Variants in FBXW8 observed in about 807,000 individuals in gnomAD.
FBXW8 encodes F-box/WD repeat-containing protein 8.
A neutral mutation model predicts 65.3 loss-of-function variants in FBXW8; 57 were observed. The ratio of observed to expected loss-of-function variants is 0.87; its 90% CI spans 0.71 to 1.09. FBXW8 has a LOEUF of 1.09. Ranked by LOEUF, FBXW8 falls within the 50% of genes least tolerant of loss-of-function variation. The pLI is 0.00. For synonymous variants in FBXW8, 308 were observed against 330.2 expected, an observed-to-expected ratio of 0.93 and a Z score of 0.73; for missense variants, 777 against 814.8, an observed-to-expected ratio of 0.95 and a Z score of 0.57.
rs555565918 is a variant in FBXW8, at chr12:116,937,177, G to A, written c.424-8187G>A. Among the ~76,000 whole-genome samples the A allele has an allele frequency of 1.4e-4, 21 of 152,250 alleles. 1 individual carries two copies. The South Asian group carries it at 3.9e-3, about 29-fold the overall frequency. On this transcript the variant is annotated intron_variant, in intron 2 of 10. Coordinates refer to ENST00000652555, the MANE Select transcript of FBXW8 (RefSeq NM_153348.3). ...TGGAGGAATGAGTTCACTGTTTACC[G>A]ACAAGTAGCAGACCATGGAAGGAGC...
At chr12:116,993,997 G>T (rs996016897) in intron 7 of FBXW8, among the ~76,000 whole-genome samples, 3 of 152,118 alleles carry the variant, frequency 2.0e-5, no homozygotes, top group Non-Finnish European at 4.4e-5. Context: ...CCCGTCCTCA[G>T]TGTATCTTTA....
intron 9 of FBXW8, among the ~76,000 whole-genome samples, chr12:117,025,671 G>GT (rs1471769804): frequency 6.6e-6 from 1 of 152,212 alleles, no homozygotes; most frequent in African/African-American, 2.4e-5. Context: ...GGCTGTGCCT[G>GT]TTGAGGGCGC....
intron 1 of FBXW8, among the ~76,000 whole-genome samples, chr12:116,923,120 C>T (rs1299846202): frequency 2.0e-5 from 3 of 152,080 alleles, no homozygotes; most frequent in Admixed American, 6.5e-5. Context: ...GCATGAGAAT[C>T]GCTTGAACCT....
intron 4 of FBXW8, among the ~76,000 whole-genome samples, chr12:116,955,197 G>T (rs1012206664): frequency 2.6e-5 from 4 of 152,138 alleles, no homozygotes; most frequent in African/African-American, 9.7e-5. Context: ...GCCTTCTCTG[G>T]CCCTCGTTCT....
intron 8 of FBXW8, among the ~76,000 whole-genome samples, chr12:117,015,795 T>G (rs1268250336): frequency 6.6e-6 from 1 of 152,128 alleles, no homozygotes; most frequent in East Asian, 1.9e-4. Flanking sequence ...TTTTAGAACA[T>G]TTTCACCCCA....
chr12:116,922,463 A>T (rs1426665937), intron 1 of FBXW8, among the ~76,000 whole-genome samples: 1 of 152,182 alleles, frequency 6.6e-6, no homozygotes, highest in Non-Finnish European at 1.5e-5. Flanking sequence ...TTAAACCACC[A>T]CCCAGAGAGA....
intron 1 of FBXW8, among the ~76,000 whole-genome samples, chr12:116,911,890 GGAA>G (rs1365885463): frequency 6.6e-6 from 1 of 152,144 alleles, no homozygotes; most frequent in Non-Finnish European, 1.5e-5. Context: ...CAGAAAAAAA[GGAA>G]GAAGAGGAGG....
chr12:116,964,877 C>T lies in FBXW8; in HGVS notation c.835+23C>T, dbSNP rs781205227. On this transcript the variant is annotated intron_variant, in intron 5 of 10. Transcript: ENST00000652555. ...ATGGTAAGTAACCACAACCCTCCTCCCTATTAAGGAAAAAAAAAAGCTTTA... is the reference window on the plus strand; with the variant it reads ...ATGGTAAGTAACCACAACCCTCCTCTCTATTAAGGAAAAAAAAAAGCTTTA... The T allele has an allele frequency of 1.9e-6, 3 of 1,550,756 alleles. No individual in the cohort carries two copies. The East Asian group carries it at 6.8e-5, about 35-fold the overall frequency.
Position 116,964,766 on chromosome 12 carries a change from AGAGGAC to A in FBXW8, c.753_758del (p.Asp251_Glu252del). The A allele has an allele frequency of 1.2e-6, 2 of 1,613,624 alleles. No homozygotes were observed. The highest frequency in any genetic ancestry group is 1.7e-6 in the Non-Finnish European group (2 of 1,180,022). ...ACTACGTAGCCCCCTTCCTGGAATC[AGAGGAC>A]GAGGAGGATGAGCCTGGAATGCAGC... On this transcript the variant is annotated inframe_deletion, in exon 5 of 11. Transcript: ENST00000652555.
At position 117,024,268 on chromosome 12, in the gene FBXW8, G is replaced by T; in HGVS notation, c.1489G>T (p.Val497Leu). 1 of 1,614,216 alleles carries T rather than the reference G, an allele frequency of 6.2e-7. No individual in the cohort carries two copies. The highest frequency in any genetic ancestry group is 1.3e-5 in the African/African-American group (1 of 75,042). ...KIVSGGEEGL[V>L]SVWDYRMNQK... ...CGTCAGTGGAGGCGAGGAAGGCCTG[G>T]TGTCCGTGTGGGATTATCGGATGAA... Residue 497 changes from valine to leucine, a missense_variant, in exon 9 of 11, where the codon GTG becomes TTG. Coordinates refer to ENST00000652555, the MANE Select transcript of FBXW8 (RefSeq NM_153348.3).
chr12:116,934,024 T>C (rs973679186), intron 2 of FBXW8, among the ~76,000 whole-genome samples: 1 of 152,174 alleles, frequency 6.6e-6, no homozygotes, highest in African/African-American at 2.4e-5. Context: ...TGTATGCCCT[T>C]GGAGAAAACC....
At chr12:116,963,985 G>C (rs1488638877) in intron 4 of FBXW8, among the ~76,000 whole-genome samples, 1 of 152,144 alleles carries the variant, frequency 6.6e-6, no homozygotes, top group Admixed American at 6.5e-5. Context: ...TGTCATCCTG[G>C]GGGCCTCAAG....
At chr12:116,922,052 A>C (rs949295640) in intron 1 of FBXW8, among the ~76,000 whole-genome samples, 2 of 150,834 alleles carry the variant, frequency 1.3e-5, no homozygotes, top group Admixed American at 6.6e-5. Flanking sequence ...CTGGTCTTGA[A>C]CTCCTGGCCC....
chr12:116,923,467 A>T (rs1019316469), intron 1 of FBXW8, among the ~76,000 whole-genome samples: 8 of 152,136 alleles, frequency 5.3e-5, no homozygotes, highest in African/African-American at 1.9e-4. Flanking sequence ...CTATAGAATA[A>T]ATTTGGCCAG....
intron 8 of FBXW8, among the ~76,000 whole-genome samples, chr12:117,014,641 T>C (rs191059554): frequency 9.4e-4 from 143 of 152,276 alleles, no homozygotes; most frequent in African/African-American, 3.2e-3. Context: ...AGACGGCAAG[T>C]TCTGTTTACC....
At chr12:116,948,377 G>A (rs543902157) in intron 3 of FBXW8, among the ~76,000 whole-genome samples, 3 of 152,242 alleles carry the variant, frequency 2.0e-5, no homozygotes, top group Admixed American at 1.3e-4. Flanking sequence ...ACAGCTCCAC[G>A]TGGATGTGTC....
chr12:116,940,991 A>G (rs1388817330), intron 2 of FBXW8, among the ~76,000 whole-genome samples: 1 of 152,236 alleles, frequency 6.6e-6, no homozygotes, highest in Non-Finnish European at 1.5e-5. Context: ...AGAAATGACT[A>G]AGGGGAAATA....
At chr12:116,927,804 T>G (rs776714625) in intron 1 of FBXW8, among the ~76,000 whole-genome samples, 1 of 151,984 alleles carries the variant, frequency 6.6e-6, no homozygotes, top group Non-Finnish European at 1.5e-5. Context: ...ATATAAGGAG[T>G]GAAGGCGTGT....
intron 2 of FBXW8, among the ~76,000 whole-genome samples, chr12:116,937,746 A>G (rs1268541788): frequency 1.3e-5 from 2 of 151,586 alleles, no homozygotes; most frequent in Non-Finnish European, 2.9e-5. Context: ...CCCACAGTAG[A>G]CTTGATGTGT....
Sources: gnomAD v4.1 joint callset for allele counts (sites outside exome capture counted in the v4.1 genomes callset) on GRCh38, gnomAD v4.1.1 for gene constraint, MANE v1.5 for transcripts, NCBI Gene and HGNC (gene_info 2026-07-23, HGNC 2026-07-21) for gene names.